The following CLASP1 variants were observed in gnomAD, a reference collection of about 807,000 sequenced individuals.
The protein encoded by CLASP1 is cytoplasmic linker associated protein 1.
A neutral mutation model predicts 192.3 loss-of-function variants in CLASP1; 38 were observed. The ratio of observed to expected loss-of-function variants is 0.20; its 90% CI spans 0.15 to 0.26. The LOEUF (loss-of-function observed/expected upper bound fraction) is 0.26. CLASP1 is among the 10% of genes least tolerant of loss of function. The pLI is 1.00. For synonymous variants in CLASP1, 691 were observed against 712.8 expected (o/e 0.97, Z 0.49); for missense variants, 1,433 against 1,932.5 (o/e 0.74, Z 4.85).
intron 1 of CLASP1, among the ~76,000 whole-genome samples, chr2:121,648,777 T>C (rs1012648349): frequency 6.6e-6 from 1 of 152,202 alleles, no homozygotes; most frequent in Non-Finnish European, 1.5e-5. Flanking sequence ...AAAGAAGCTC[T>C]TCGAAGGCCC....
chr2:121,492,165 A>G (rs1254828425), intron 8 of CLASP1, among the ~76,000 whole-genome samples: 4 of 152,114 alleles, frequency 2.6e-5, no homozygotes, highest in Admixed American at 2.6e-4. Flanking sequence ...CGAGGCGGGT[A>G]GATCACGAGG....
chr2:121,430,157 G>C (rs1484512701), exon 20 of CLASP1: 9 of 1,569,914 alleles, frequency 5.7e-6, no homozygotes, highest in Non-Finnish European at 7.8e-6. Context: ...CCAGAGCTTT[G>C]CCGTCTTGTG....
At chr2:121,535,554 G>T (rs578124259) in intron 2 of CLASP1, among the ~76,000 whole-genome samples, 3 of 152,054 alleles carry the variant, frequency 2.0e-5, no homozygotes, top group African/African-American at 7.2e-5. Context: ...AAAAGAATAG[G>T]CAAGAGAGAA....
At chr2:121,571,142 A>G (rs1369449472) in intron 2 of CLASP1, among the ~76,000 whole-genome samples, 1 of 151,830 alleles carries the variant, frequency 6.6e-6, no homozygotes, top group Non-Finnish European at 1.5e-5. Flanking sequence ...GACACTTATT[A>G]TGCAGCTTAA....
chr2:121,530,189 CGAGGGAAGGCTGGGGGTCT>C, intron 3 of CLASP1, 39 bp downstream of exon 3: 1 of 1,446,196 alleles, frequency 6.9e-7, no homozygotes, highest in Non-Finnish European at 9.4e-7. Flanking sequence ...CCGGGGAGGC[CGAGGGAAGGCTGGGGGTCT>C]GAAGGGGCCG....
At chr2:121,593,648 A>C (rs1400806476) in intron 2 of CLASP1, among the ~76,000 whole-genome samples, 1 of 149,386 alleles carries the variant, frequency 6.7e-6, no homozygotes, top group East Asian at 2.0e-4. Flanking sequence ...AAAAAAAAGG[A>C]AACTACACAG....
At chr2:121,546,487 C>A (rs1187721207) in intron 2 of CLASP1, among the ~76,000 whole-genome samples, 1 of 151,982 alleles carries the variant, frequency 6.6e-6, no homozygotes, top group Non-Finnish European at 1.5e-5. Flanking sequence ...AAAAGCAAGG[C>A]AGGACGGTGG....
chr2:121,493,298 C>T (rs1002746535), intron 8 of CLASP1, among the ~76,000 whole-genome samples: 6 of 152,086 alleles, frequency 3.9e-5, no homozygotes, highest in African/African-American at 1.4e-4. Context: ...AAAACAGACA[C>T]ACAGACCAAT....
intron 35 of CLASP1, 96 bp from the exon 37 acceptor site, chr2:121,365,380 C>A: frequency 8.5e-7 from 1 of 1,170,052 alleles, no homozygotes; most frequent in Non-Finnish European, 1.2e-6. Flanking sequence ...TTCCTGCCTC[C>A]TCTCCCAGAG....
At chr2:121,600,995 A>G (rs2063719158) in intron 2 of CLASP1, among the ~76,000 whole-genome samples, 1 of 152,210 alleles carries the variant, frequency 6.6e-6, no homozygotes, top group African/African-American at 2.4e-5. Flanking sequence ...CTTCTGAGAA[A>G]GGTTTCCTTC....
At chr2:121,437,481 C>T (rs746575297) in intron 19 of CLASP1, among the ~76,000 whole-genome samples, 1 of 152,186 alleles carries the variant, frequency 6.6e-6, no homozygotes, top group Non-Finnish European at 1.5e-5. Flanking sequence ...AAGAAGATCT[C>T]TGATTTTGTT....
chr2:121,370,170 C>T lies in CLASP1; in HGVS notation c.3643-2339G>A, dbSNP rs79417775. Among the ~76,000 whole-genome samples the T allele has an allele frequency of 6.4e-3, 973 of 152,280 alleles. 15 individuals carry two copies. The highest frequency in any genetic ancestry group is 0.023 in the African/African-American group (940 of 41,564). ...ACATTCATCCTATTGGCTTGTCTCC[C>T]TATATTGGGTTTCCTTGTTAGGCTT... On this transcript the variant is annotated intron_variant, in intron 34 of 39. Transcript: ENST00000263710.
intron 2 of CLASP1, among the ~76,000 whole-genome samples, chr2:121,588,281 G>A (rs1458984237): frequency 6.6e-6 from 1 of 151,130 alleles, no homozygotes; most frequent in Admixed American, 6.6e-5. Context: ...TGTGGTAAGT[G>A]TATGTCTGAA....
intron 1 of CLASP1, among the ~76,000 whole-genome samples, chr2:121,624,852 CATG>C (rs1390342891): frequency 6.6e-6 from 1 of 152,232 alleles, no homozygotes; most frequent in Non-Finnish European, 1.5e-5. Flanking sequence ...CCATCATCAT[CATG>C]ATATGATATA....
At chr2:121,468,110 C>CT (rs1433247057) in intron 9 of CLASP1, among the ~76,000 whole-genome samples, 3 of 152,062 alleles carry the variant, frequency 2.0e-5, no homozygotes, top group African/African-American at 7.2e-5. Context: ...GTCGTGGGTT[C>CT]TTTATTTCTG....
At chr2:121,550,207 C>T (rs1346067953) in intron 2 of CLASP1, among the ~76,000 whole-genome samples, 2 of 151,894 alleles carry the variant, frequency 1.3e-5, no homozygotes, top group Non-Finnish European at 2.9e-5. Context: ...CTAATGAGAA[C>T]AAAGATACAA....
chr2:121,483,492 A>ATGTGTGTATATATATGTATGTATATATG (rs1559387842), intron 8 of CLASP1, among the ~76,000 whole-genome samples: 1 of 151,604 alleles, frequency 6.6e-6, no homozygotes, highest in Admixed American at 6.6e-5. Flanking sequence ...GTATATATAT[A>ATGTGTGTATATATATGTATGTATATATG]TGTGTGTATA....
intron 2 of CLASP1, among the ~76,000 whole-genome samples, chr2:121,594,848 C>T (rs67344332): frequency 0.23 from 35,013 of 151,936 alleles, 6,044 homozygotes; most frequent in African/African-American, 0.48. Context: ...ATAGAGAAAA[C>T]AAGACATATG....
At chr2:121,362,694 A>G (rs9653407) in intron 37 of CLASP1, among the ~76,000 whole-genome samples, 32,293 of 152,196 alleles carry the variant, frequency 0.21, 6,559 homozygotes, top group African/African-American at 0.53. Flanking sequence ...AAACTTTGTG[A>G]AAATATCCAT....
Sources: gnomAD v4.1 joint callset for allele counts (sites outside exome capture counted in the v4.1 genomes callset) on GRCh38, gnomAD v4.1.1 for gene constraint, MANE v1.5 for transcripts, NCBI Gene and HGNC (gene_info 2026-07-23, HGNC 2026-07-21) for gene names.